Variants in SGCD observed in about 807,000 individuals in gnomAD.
SGCD encodes delta-sarcoglycan.
In SGCD, 18 loss-of-function variants were observed where a neutral mutation model predicts 36.6. The observed-to-expected ratio is 0.49, with a 90% CI of 0.34 to 0.73. The LOEUF is 0.73. SGCD is among the 30% of genes least tolerant of loss of function. SGCD has a pLI of 0.01. For missense variants in SGCD, 387 were observed against 346.7 expected (o/e 1.12, Z -0.92); for synonymous variants, 133 against 130.6 (o/e 1.02, Z -0.12).
intron 3 of SGCD, among the ~76,000 whole-genome samples, chr5:156,355,446 A>G (rs1285300970): frequency 6.6e-6 from 1 of 152,050 alleles, no homozygotes; most frequent in Non-Finnish European, 1.5e-5. Context: ...CTTCCTTTCA[A>G]TATTCTTAAT....
intron 1 of SGCD, among the ~76,000 whole-genome samples, chr5:156,000,967 C>A (rs897136525): frequency 1.3e-5 from 2 of 152,150 alleles, no homozygotes; most frequent in Non-Finnish European, 2.9e-5. Flanking sequence ...GCCTAGGAAT[C>A]CAGCCATGCT....
At chr5:155,791,204 G>T in the SGCD span, among the ~76,000 whole-genome samples, 1 of 152,032 alleles carries the variant, frequency 6.6e-6, no homozygotes, top group Non-Finnish European at 1.5e-5. Context: ...TAGACAGCTG[G>T]GCAGAGGGCT....
intron 3 of SGCD, among the ~76,000 whole-genome samples, chr5:156,489,842 T>C (rs527662325): frequency 6.6e-6 from 1 of 151,414 alleles, no homozygotes; most frequent in South Asian, 2.1e-4. Context: ...AATCCCAAAA[T>C]TAGTAGAAGG....
chr5:155,808,773 A>G, the SGCD span, among the ~76,000 whole-genome samples: 1 of 152,344 alleles, frequency 6.6e-6, no homozygotes, highest in African/African-American at 2.4e-5. Context: ...GATGATGATG[A>G]TAGAAAAATT....
intron 7 of SGCD, among the ~76,000 whole-genome samples, chr5:156,656,410 C>A (rs1763681317): frequency 6.6e-6 from 1 of 151,836 alleles, no homozygotes; most frequent in Non-Finnish European, 1.5e-5. Context: ...TAAAGTTGCC[C>A]AAAGGAGATG....
intron 3 of SGCD, among the ~76,000 whole-genome samples, chr5:156,388,906 C>G (rs577696353): frequency 6.6e-6 from 1 of 152,256 alleles, no homozygotes; most frequent in East Asian, 1.9e-4. Context: ...CTTGTAAAAT[C>G]AAGGTTATTT....
intron 4 of SGCD, among the ~76,000 whole-genome samples, chr5:156,547,088 T>C (rs1426260529): frequency 6.6e-6 from 1 of 152,198 alleles, no homozygotes; most frequent in Non-Finnish European, 1.5e-5. Flanking sequence ...CCTCTTTGCT[T>C]CAGATGCCCA....
intron 1 of SGCD, among the ~76,000 whole-genome samples, chr5:155,977,716 A>G (rs1185177316): frequency 2.0e-5 from 3 of 152,194 alleles, no homozygotes; most frequent in Non-Finnish European, 2.9e-5. Flanking sequence ...GTGTGGAACC[A>G]AATAGGCCAG....
intron 4 of SGCD, among the ~76,000 whole-genome samples, chr5:156,570,446 T>C (rs1170448321): frequency 3.3e-5 from 5 of 152,218 alleles, no homozygotes; most frequent in Non-Finnish European, 5.9e-5. Flanking sequence ...TAGCATTTGC[T>C]AAATTTCCTT....
chr5:156,056,223 G>C (rs1479564987), intron 1 of SGCD, among the ~76,000 whole-genome samples: 1 of 145,680 alleles, frequency 6.9e-6, no homozygotes, highest in African/African-American at 2.5e-5. Context: ...CTGAGTGTAG[G>C]CTGAACTAAC....
chr5:155,805,072 A>G, the SGCD span, among the ~76,000 whole-genome samples: 1 of 152,336 alleles, frequency 6.6e-6, no homozygotes, highest in Non-Finnish European at 1.5e-5. Context: ...TTTAAGTTTA[A>G]ATACCACACA....
intron 3 of SGCD, among the ~76,000 whole-genome samples, chr5:156,496,447 A>G (rs1027395463): frequency 4.6e-5 from 7 of 152,068 alleles, no homozygotes; most frequent in Non-Finnish European, 1.0e-4. Context: ...AGTAGTATCT[A>G]GGGTTTGTTA....
At chr5:156,334,609 C>CT (rs35767339) in intron 2 of SGCD, among the ~76,000 whole-genome samples, 11,650 of 105,056 alleles carry the variant, frequency 0.11, 677 homozygotes, top group South Asian at 0.22. Context: ...GGTCTATTTT[C>CT]TTTTTTTTTT....
intron 3 of SGCD, among the ~76,000 whole-genome samples, chr5:156,127,587 A>G (rs1762205157): frequency 6.6e-6 from 1 of 152,158 alleles, no homozygotes; most frequent in African/African-American, 2.4e-5. Flanking sequence ...ACTGCACTGC[A>G]GACTGGGTGA....
chr5:155,838,786 AAAAAAAC>A, the SGCD span, among the ~76,000 whole-genome samples: 2 of 151,448 alleles, frequency 1.3e-5, no homozygotes, highest in Admixed American at 1.3e-4. Flanking sequence ...AAAAAAAAAA[AAAAAAAC>A]AATTCAATCT....
At chr5:156,166,388 C>T (rs1345209302) in intron 3 of SGCD, among the ~76,000 whole-genome samples, 1 of 152,018 alleles carries the variant, frequency 6.6e-6, no homozygotes, top group Non-Finnish European at 1.5e-5. Context: ...ACAATCTTGG[C>T]TTACTGCAAG....
intron 7 of SGCD, among the ~76,000 whole-genome samples, chr5:156,724,806 A>G (rs952059764): frequency 3.9e-5 from 6 of 152,212 alleles, no homozygotes; most frequent in African/African-American, 1.4e-4. Context: ...CTGAAGAGAC[A>G]GAATCCCATA....
At chr5:155,758,085 T>A in the SGCD span, among the ~76,000 whole-genome samples, 1 of 152,148 alleles carries the variant, frequency 6.6e-6, no homozygotes, top group East Asian at 1.9e-4. Flanking sequence ...GTCTCAGGAA[T>A]GTCTTTATCA....
At chr5:156,282,469 G>A (rs2127673742) in intron 3 of SGCD, among the ~76,000 whole-genome samples, 1 of 152,280 alleles carries the variant, frequency 6.6e-6, no homozygotes, top group Middle Eastern at 3.4e-3. Flanking sequence ...ATGAATGAAT[G>A]TGTGGTTTTG....
Sources: gnomAD v4.1 joint callset for allele counts (sites outside exome capture counted in the v4.1 genomes callset) on GRCh38, gnomAD v4.1.1 for gene constraint, MANE v1.5 for transcripts, NCBI Gene and HGNC (gene_info 2026-07-23, HGNC 2026-07-21) for gene names.